BEND5: variants seen among roughly 807,000 people sequenced by gnomAD.
BEND5 encodes the protein BEN domain-containing protein 5.
In BEND5, 22 loss-of-function variants were observed where a neutral mutation model predicts 43.9. The ratio of observed to expected loss-of-function variants is 0.50; its 90% confidence interval spans 0.36 to 0.72. The LOEUF (loss-of-function observed/expected upper bound fraction) is 0.72, where lower values mean the gene tolerates loss of function less well. Ranked by LOEUF, BEND5 falls within the 30% of genes least tolerant of loss-of-function variation. BEND5 has a pLI of 0.00. For missense variants in BEND5, 428 were observed against 550.6 expected, an observed-to-expected ratio of 0.78 and a Z score of 2.23; for synonymous variants, 228 against 225.9, an observed-to-expected ratio of 1.01 and a Z score of -0.08.
At chr1:48,775,940 T>G (rs1229719348) in intron 1 of BEND5, among the ~76,000 whole-genome samples, 1 of 152,206 alleles carries the variant, frequency 6.6e-6, no homozygotes, top group Non-Finnish European at 1.5e-5. Flanking sequence ...GGCTGAGGGA[T>G]GCCTTAGGGC....
intron 5 of BEND5, among the ~76,000 whole-genome samples, chr1:48,731,828 A>C (rs1164849854): frequency 6.6e-6 from 1 of 152,226 alleles, no homozygotes; most frequent in Non-Finnish European, 1.5e-5. Flanking sequence ...TGGCATGTTT[A>C]GAAGCTTACC....
chr1:48,768,459 G>A (rs1237440968), intron 1 of BEND5, among the ~76,000 whole-genome samples: 1 of 152,196 alleles, frequency 6.6e-6, no homozygotes, highest in South Asian at 2.1e-4. Context: ...TTAATCTGAG[G>A]AGGATAAACA....
chr1:48,730,887 T>G (rs936124367), intron 5 of BEND5, among the ~76,000 whole-genome samples: 4 of 152,218 alleles, frequency 2.6e-5, no homozygotes, highest in African/African-American at 9.6e-5. Context: ...AAAGGTCATT[T>G]GACCTTAATA....
At chr1:48,731,225 G>A (rs1648073996) in intron 5 of BEND5, among the ~76,000 whole-genome samples, 1 of 151,918 alleles carries the variant, frequency 6.6e-6, no homozygotes. Context: ...AAAAACAGTG[G>A]TTATATTGTG....
At chr1:48,747,776 C>T (rs1651000191) in intron 3 of BEND5, among the ~76,000 whole-genome samples, 1 of 152,180 alleles carries the variant, frequency 6.6e-6, no homozygotes, top group Non-Finnish European at 1.5e-5. Flanking sequence ...TAATGCTGTT[C>T]TTTCTGATTA....
chr1:48,756,994 A>AGTTTTTCTACAT (rs1463154563), intron 3 of BEND5, among the ~76,000 whole-genome samples: 1 of 152,226 alleles, frequency 6.6e-6, no homozygotes, highest in Non-Finnish European at 1.5e-5. Flanking sequence ...CTTCAGGTCA[A>AGTTTTTCTACAT]GTTTTTCTAC....
chr1:48,756,178 C>T (rs1643913170), intron 3 of BEND5, among the ~76,000 whole-genome samples: 1 of 152,224 alleles, frequency 6.6e-6, no homozygotes, highest in African/African-American at 2.4e-5. Context: ...CATACATGCT[C>T]TTTGCCTAAA....
At chr1:48,774,557 T>C (rs1192253852) in intron 1 of BEND5, among the ~76,000 whole-genome samples, 1 of 152,238 alleles carries the variant, frequency 6.6e-6, no homozygotes, top group Non-Finnish European at 1.5e-5. Context: ...CTGGCACACT[T>C]CTTTGAACCT....
At chr1:48,750,682 C>CA (rs1189496104) in intron 3 of BEND5, among the ~76,000 whole-genome samples, 1 of 152,210 alleles carries the variant, frequency 6.6e-6, no homozygotes, top group Non-Finnish European at 1.5e-5. Flanking sequence ...GTTCCCTGCA[C>CA]AAAAACATTT....
chr1:48,731,069 A>T (rs184833705), intron 5 of BEND5, among the ~76,000 whole-genome samples: 1 of 152,226 alleles, frequency 6.6e-6, no homozygotes, highest in Non-Finnish European at 1.5e-5. Context: ...CTGTGAGCAT[A>T]AAGGCTTTTC....
In BEND5 at chr1:48,776,772, G is replaced by T. The variant is rs764508902; in HGVS notation, c.60C>A (p.Cys20Ter). 3 of 1,524,758 alleles carry T rather than the reference G, an allele frequency of 2.0e-6. No individual in the cohort carries two copies. Among genetic ancestry groups the T allele is most frequent in the South Asian group, 1.2e-5 (1 of 81,178 alleles). The allele number at this position is 1,524,758 out of a possible 1,614,324, so 94.5% of individuals were successfully genotyped here. A position where few individuals can be genotyped will look rare whatever the true frequency, so the allele number is the denominator to read the frequency against. The part of the protein sequence containing the change: ...DNVCYALPVS[C>*]VRDFSPRSRL... ...GCGAGCGGGGGCTGAAGTCGCGCACGCACGACACGGGCAGCGCGTAGCAGA... is the reference window on the plus strand; with the variant it reads ...GCGAGCGGGGGCTGAAGTCGCGCACTCACGACACGGGCAGCGCGTAGCAGA... Residue 20 changes from cysteine to a stop codon, truncating the protein, a stop_gained, in exon 1 of 6, where the codon TGC becomes TGA. Transcript: ENST00000371833. LOFTEE classifies it high-confidence loss of function.
chr1:48,741,985 C>T (rs550231900), intron 4 of BEND5, among the ~76,000 whole-genome samples: 4 of 152,284 alleles, frequency 2.6e-5, no homozygotes, highest in East Asian at 1.9e-4. Flanking sequence ...TTTTCACGAG[C>T]GATTCCATTA....
rs563679766 is a variant in BEND5, at chr1:48,745,423, C to T, written c.746-2652G>A. On this transcript the variant is annotated intron_variant, in intron 3 of 5. Transcript: ENST00000371833. The stretch of plus-strand genomic sequence containing the variant: ...AAGGGCTCTGCTATCACACTGTCTA[C>T]AGAGGGACAGCTAACGGACATCAGA... 1.1e-4 allele frequency among the ~76,000 whole-genome samples: 17 copies of T among 152,290 alleles called. No homozygotes were observed. In the South Asian group the frequency reaches 3.1e-3, roughly 28 times the overall value.
chr1:48,764,568 G>A (rs1229916475), intron 1 of BEND5, among the ~76,000 whole-genome samples: 1 of 152,162 alleles, frequency 6.6e-6, no homozygotes, highest in East Asian at 1.9e-4. Context: ...GGCAAGAAAA[G>A]GTGGTTGGAA....
chr1:48,745,716 G>A (rs759076643), intron 3 of BEND5, among the ~76,000 whole-genome samples: 2 of 152,178 alleles, frequency 1.3e-5, no homozygotes, highest in Non-Finnish European at 2.9e-5. Flanking sequence ...TCAAAGACTA[G>A]TAAATAATTA....
At chr1:48,767,512 G>T (rs1372661326) in intron 1 of BEND5, among the ~76,000 whole-genome samples, 2 of 152,192 alleles carry the variant, frequency 1.3e-5, no homozygotes, top group Non-Finnish European at 2.9e-5. Context: ...ACAGAACACA[G>T]GGTGACAAGA....
chr1:48,732,478 T>TA (rs1004147442), intron 5 of BEND5, among the ~76,000 whole-genome samples: 2 of 151,404 alleles, frequency 1.3e-5, no homozygotes, highest in African/African-American at 4.9e-5. Context: ...AATTAACAAG[T>TA]AAAAAAAGTA....
In BEND5 at chr1:48,755,303, C is replaced by T. The variant is rs1294780717; in HGVS notation, c.745+3597G>A. Among the ~76,000 whole-genome samples the T allele has an allele frequency of 1.3e-5, 2 of 152,182 alleles. 1 individual carries two copies. Among genetic ancestry groups the T allele is most frequent in the African/African-American group, 4.8e-5 (2 of 41,440 alleles). On this transcript the variant is annotated intron_variant, in intron 3 of 5. Coordinates refer to ENST00000371833, the MANE Select transcript of BEND5 (RefSeq NM_024603.4). The stretch of plus-strand genomic sequence containing the variant: ...TCTACCATTCGTAGGACCCCACTAC[C>T]TCGGTGAGTAAATAATGATTCTTCC...
At chr1:48,752,070 G>T (rs567557538) in intron 3 of BEND5, among the ~76,000 whole-genome samples, 2 of 152,228 alleles carry the variant, frequency 1.3e-5, no homozygotes, top group African/African-American at 4.8e-5. Context: ...AACAGTTTTT[G>T]AAACTGCCCC....
Sources: gnomAD v4.1 joint callset for allele counts (sites outside exome capture counted in the v4.1 genomes callset) on GRCh38, gnomAD v4.1.1 for gene constraint, MANE v1.5 for transcripts, NCBI Gene and HGNC (gene_info 2026-07-23, HGNC 2026-07-21) for gene names.